The following BANF2 variants were observed in gnomAD, a reference collection of about 807,000 sequenced individuals.
The protein encoded by BANF2 is BANF family member 2.
BANF2 carries 4 observed loss-of-function variants against 8.0 expected under a neutral mutation model. That is an observed-to-expected ratio of 0.50 (90% CI 0.25 to 1.14). BANF2 has a LOEUF of 1.14. Ranked by LOEUF, BANF2 falls within the 50% of genes most tolerant of loss-of-function variation. The pLI is 0.16. For synonymous variants in BANF2, 50 were observed against 40.6 expected (o/e 1.23, Z -0.88); for missense variants, 96 against 107.5 (o/e 0.89, Z 0.47).
At chr20:17,695,798 A>G (rs1377119404), upstream of BANF2, among the ~76,000 whole-genome samples, 2 of 152,134 alleles carry the variant, frequency 1.3e-5, no homozygotes, top group Non-Finnish European at 2.9e-5. Flanking sequence ...TATTCCCTTC[A>G]TCCCATGGAG....
intron 2 of BANF2, 85 bp from the exon 3 acceptor site, chr20:17,724,937 TG>T (rs2037782085): frequency 2.2e-6 from 3 of 1,355,614 alleles, no homozygotes; most frequent in Non-Finnish European, 2.0e-6. Flanking sequence ...AGTCCCTTGG[TG>T]GGCTGAGGGA....
intron 1 of BANF2, among the ~76,000 whole-genome samples, chr20:17,703,455 C>T (rs998802321): frequency 2.0e-5 from 3 of 152,222 alleles, no homozygotes; most frequent in South Asian, 4.1e-4. Flanking sequence ...GGAGGAAAGG[C>T]GGTCATGGCC....
chr20:17,706,524 A>C (rs913681787), intron 1 of BANF2, among the ~76,000 whole-genome samples: 4 of 152,188 alleles, frequency 2.6e-5, no homozygotes, highest in African/African-American at 9.7e-5. Context: ...TCATCTGGCA[A>C]ATGGGGCTCA....
chr20:17,694,467 G>A (rs2037325458), intron 1 of BANF2, among the ~76,000 whole-genome samples: 1 of 152,098 alleles, frequency 6.6e-6, no homozygotes, highest in African/African-American at 2.4e-5. Flanking sequence ...TGAGGAAGTA[G>A]TGCTCATGAG....
intron 1 of BANF2, among the ~76,000 whole-genome samples, chr20:17,711,448 ATG>A (rs1190705510): frequency 6.6e-6 from 1 of 152,216 alleles, no homozygotes; most frequent in African/African-American, 2.4e-5. Flanking sequence ...CAAATTATGT[ATG>A]TGTTGGGTGG....
chr20:17,709,369 A>G (rs1454462687), intron 1 of BANF2, among the ~76,000 whole-genome samples: 2 of 152,216 alleles, frequency 1.3e-5, no homozygotes, highest in East Asian at 3.9e-4. Flanking sequence ...AGGGCAGGAC[A>G]CACAAAATGT....
intron 1 of BANF2, among the ~76,000 whole-genome samples, chr20:17,703,524 A>G (rs1318996777): frequency 6.6e-6 from 1 of 152,162 alleles, no homozygotes; most frequent in East Asian, 1.9e-4. Flanking sequence ...AACAGCAAAG[A>G]TTCGTATTTC....
chr20:17,720,416 A>G (rs1460019685), intron 1 of BANF2, among the ~76,000 whole-genome samples: 10 of 152,252 alleles, frequency 6.6e-5, no homozygotes, highest in Non-Finnish European at 1.2e-4. Context: ...GAGGCAGGAT[A>G]TTCTAAGACA....
At chr20:17,708,223 C>T (rs1176751568) in intron 1 of BANF2, among the ~76,000 whole-genome samples, 4 of 151,500 alleles carry the variant, frequency 2.6e-5, no homozygotes, top group East Asian at 1.9e-4. Context: ...TGATATGTCT[C>T]GAACAAAAAC....
chr20:17,717,096 A>G lies in BANF2; in HGVS notation c.-166-5620A>G, dbSNP rs1025764803. ...AACTGCAACTCTGGAGAGTGTGGGT[A>G]GAGGTACAGGGAGCCAGGAAGCAGC... On this transcript the variant is annotated intron_variant, in intron 1 of 3. Coordinates refer to ENST00000246090, the MANE Select transcript of BANF2 (RefSeq NM_178477.5). 2.0e-5 allele frequency among the ~76,000 whole-genome samples: 3 copies of G among 152,100 alleles called. No individual in the cohort carries two copies. The South Asian group carries it at 6.2e-4, about 31-fold the overall frequency.
rs150815006 is a variant in BANF2 at position 17,694,753 on chromosome 20, G to C, written c.18+1047G>C. On this transcript the variant is annotated intron_variant, in intron 1 of 2. Transcript: ENST00000545418. ...CCTCCCTTAGACTCCCAAGTAGCTA[G>C]AAATAGAGGTTCGTGCCACCAGGCC... is the stretch of plus-strand genomic sequence containing the variant. 1.7e-3 allele frequency among the ~76,000 whole-genome samples: 257 copies of C among 151,472 alleles called. 2 individuals carry two copies. The highest frequency in any genetic ancestry group is 6.1e-3 in the African/African-American group (251 of 41,286).
intron 1 of BANF2, among the ~76,000 whole-genome samples, chr20:17,694,100 A>G (rs1013439739): frequency 2.0e-5 from 3 of 152,246 alleles, no homozygotes; most frequent in African/African-American, 7.2e-5. Context: ...TTGTTCGTTC[A>G]TTCAGTAAAT....
intron 3 of BANF2, among the ~76,000 whole-genome samples, chr20:17,730,348 T>C (rs4814642): frequency 0.98 from 148,798 of 152,270 alleles, 72,729 homozygotes; most frequent in Middle Eastern, 1. Context: ...GGACACCAAG[T>C]CATTGTGCCG....
chr20:17,712,475 C>T lies in BANF2; in HGVS notation c.-166-10241C>T, dbSNP rs11699088. 3,526 of 960,782 alleles carry T rather than the reference C, an allele frequency of 3.7e-3. 6 individuals carry two copies. Among genetic ancestry groups the T allele is most frequent in the Non-Finnish European group, 3.9e-3 (3,142 of 807,572 alleles). The allele number at this position is 960,782 out of a possible 1,614,324, so 59.5% of individuals were successfully genotyped here. A position where few individuals can be genotyped will look rare whatever the true frequency, so the allele number is the denominator to read the frequency against. On this transcript the variant is annotated intron_variant, in intron 1 of 3. Transcript: ENST00000246090. ...AGTCCCATGCACCATTCCCACAGCC[C>T]GACAACCTTCCTGACTCTACCCACT... is the stretch of plus-strand genomic sequence containing the variant.
At chr20:17,697,923 G>A (rs931157997), upstream of BANF2, among the ~76,000 whole-genome samples, 5 of 151,958 alleles carry the variant, frequency 3.3e-5, no homozygotes, top group Admixed American at 1.3e-4. Flanking sequence ...TGTGGTACCC[G>A]GCCGGGTACG....
intron 1 of BANF2, among the ~76,000 whole-genome samples, chr20:17,713,079 G>A (rs748191074): frequency 4.0e-5 from 6 of 151,304 alleles, no homozygotes; most frequent in Non-Finnish European, 5.9e-5. Context: ...GAGACCCCCC[G>A]ATCTCTACGA....
At chr20:17,720,727 T>C (rs572044245) in intron 1 of BANF2, among the ~76,000 whole-genome samples, 1 of 152,348 alleles carries the variant, frequency 6.6e-6, no homozygotes, top group Non-Finnish European at 1.5e-5. Context: ...GGAGATTGGT[T>C]GCACAACAAT....
In BANF2 at chr20:17,722,390, T is replaced by C. The variant is rs923136522; in HGVS notation, c.-166-326T>C. On this transcript the variant is annotated intron_variant, in intron 1 of 3. Transcript: ENST00000246090. ...GCCAGCATGGATAGTGAATGGAATT[T>C]TCCCTCAGCAAAGGCAGAGCGGCTC... 2.6e-5 allele frequency among the ~76,000 whole-genome samples: 4 copies of C among 152,220 alleles called. No individual in the cohort carries two copies. The East Asian group carries it at 7.7e-4, about 29-fold the overall frequency.
Position 17,724,508 on chromosome 20 carries a change from C to T in BANF2, c.-3-515C>T, listed in dbSNP as rs980016870. On this transcript the variant is annotated intron_variant, in intron 2 of 3. Transcript: ENST00000246090. ...GGACAATCCCTGAGGAATGGCGCTGCGACCCATTCCCACCTGCAGGCTTTG... is the reference window on the plus strand; with the variant it reads ...GGACAATCCCTGAGGAATGGCGCTGTGACCCATTCCCACCTGCAGGCTTTG... 7.2e-5 allele frequency among the ~76,000 whole-genome samples: 11 copies of T among 152,242 alleles called. No homozygotes were observed. In the Middle Eastern group the frequency reaches 0.01, roughly 141 times the overall value.
Sources: gnomAD v4.1 joint callset for allele counts (sites outside exome capture counted in the v4.1 genomes callset) on GRCh38, gnomAD v4.1.1 for gene constraint, MANE v1.5 for transcripts, NCBI Gene and HGNC (gene_info 2026-07-23, HGNC 2026-07-21) for gene names.